PDE4B: variants seen among roughly 807,000 people sequenced by gnomAD.
PDE4B encodes phosphodiesterase 4B, also known as 3',5'-cyclic-AMP phosphodiesterase 4B.
In PDE4B, 20 loss-of-function variants were observed where a neutral mutation model predicts 82.2. That is an observed-to-expected ratio of 0.24 (90% confidence interval 0.17 to 0.35). The LOEUF (loss-of-function observed/expected upper bound fraction) is 0.35. Among genes scored for constraint, PDE4B ranks in the 10% least tolerant of loss-of-function variants. The pLI is 1.00. For missense variants in PDE4B, 655 were observed against 907.2 expected (o/e 0.72, Z 3.57); for synonymous variants, 320 against 318.9 (o/e 1.00, Z -0.04).
intron 3 of PDE4B, among the ~76,000 whole-genome samples, chr1:66,153,569 T>C (rs1646445074): frequency 6.6e-6 from 1 of 152,336 alleles, no homozygotes; most frequent in East Asian, 1.9e-4. Context: ...GCAATCTTTA[T>C]TCTTTTTCTG....
intron 3 of PDE4B, among the ~76,000 whole-genome samples, chr1:66,069,312 A>T (rs573322154): frequency 1.3e-5 from 2 of 152,108 alleles, no homozygotes; most frequent in East Asian, 1.9e-4. Context: ...ATTTTATGCC[A>T]CTCATAAAGC....
chr1:66,145,626 T>A (rs1188647702), intron 3 of PDE4B, among the ~76,000 whole-genome samples: 1 of 152,158 alleles, frequency 6.6e-6, no homozygotes, highest in African/African-American at 2.4e-5. Context: ...TCAGGGAACT[T>A]TGGAGGTCAA....
At chr1:65,992,858 G>T (rs1404441895) in intron 3 of PDE4B, 1 of 1,595,322 alleles carries the variant, frequency 6.3e-7, no homozygotes, top group Non-Finnish European at 8.5e-7. Context: ...TCTCTGCTAT[G>T]TTTGAGATTT....
chr1:66,118,889 CT>C (rs1481661822), intron 3 of PDE4B, among the ~76,000 whole-genome samples: 1 of 151,778 alleles, frequency 6.6e-6, no homozygotes, highest in Non-Finnish European at 1.5e-5. Context: ...ATTCCTAAAC[CT>C]TTTTTTTCAA....
chr1:66,161,801 T>C (rs1447320735), intron 3 of PDE4B, among the ~76,000 whole-genome samples: 2 of 152,084 alleles, frequency 1.3e-5, no homozygotes, highest in African/African-American at 4.8e-5. Flanking sequence ...ACTTACCCCA[T>C]TGATACTCTA....
intron 3 of PDE4B, among the ~76,000 whole-genome samples, chr1:66,081,830 CTCTGTG>C (rs1218149750): frequency 2.7e-5 from 3 of 112,714 alleles, no homozygotes; most frequent in East Asian, 3.5e-4. Context: ...CTCTCTCTCT[CTCTGTG>C]TGTGTGTGTG....
intron 8 of PDE4B, among the ~76,000 whole-genome samples, chr1:66,351,273 G>C (rs972710589): frequency 6.6e-6 from 1 of 152,228 alleles, no homozygotes; most frequent in African/African-American, 2.4e-5. Context: ...AGGGAAAATA[G>C]TATCTGTGTA....
intron 4 of PDE4B, among the ~76,000 whole-genome samples, chr1:66,251,283 G>A (rs1434007481): frequency 6.6e-6 from 1 of 152,126 alleles, no homozygotes; most frequent in Non-Finnish European, 1.5e-5. Context: ...TTAATGATGA[G>A]GATATTAGGG....
chr1:65,957,205 A>G (rs1649305348), intron 3 of PDE4B, among the ~76,000 whole-genome samples: 1 of 151,308 alleles, frequency 6.6e-6, no homozygotes, highest in South Asian at 2.1e-4. Flanking sequence ...ATTTTGATGT[A>G]GTTGAATTTC....
At chr1:66,338,016 C>T (rs1660660488) in intron 8 of PDE4B, among the ~76,000 whole-genome samples, 1 of 152,130 alleles carries the variant, frequency 6.6e-6, no homozygotes, top group Non-Finnish European at 1.5e-5. Context: ...TGGAAAAGAC[C>T]CAGCTCTTCA....
At chr1:65,901,018 C>A (rs1345125004) in intron 1 of PDE4B, among the ~76,000 whole-genome samples, 1 of 152,004 alleles carries the variant, frequency 6.6e-6, no homozygotes, top group Non-Finnish European at 1.5e-5. Flanking sequence ...GAGTGGGAAT[C>A]CTTGTCTTGC....
intron 3 of PDE4B, among the ~76,000 whole-genome samples, chr1:66,171,806 A>C (rs150906477): frequency 6.6e-6 from 1 of 152,194 alleles, no homozygotes; most frequent in Non-Finnish European, 1.5e-5. Flanking sequence ...CATATGAAGC[A>C]CTCAATAAAA....
intron 7 of PDE4B, among the ~76,000 whole-genome samples, chr1:66,274,528 A>T (rs1218944935): frequency 2.0e-5 from 3 of 152,092 alleles, no homozygotes; most frequent in Non-Finnish European, 4.4e-5. Context: ...GCTAAATGAG[A>T]AAAGCTTTAT....
At chr1:65,986,952 A>C (rs183977991) in intron 3 of PDE4B, among the ~76,000 whole-genome samples, 3 of 152,324 alleles carry the variant, frequency 2.0e-5, no homozygotes, top group Admixed American at 1.3e-4. Context: ...ATGCAGATAT[A>C]CTGGGAAAAA....
At chr1:66,024,721 A>G (rs1451541857) in intron 3 of PDE4B, among the ~76,000 whole-genome samples, 1 of 152,090 alleles carries the variant, frequency 6.6e-6, no homozygotes, top group Non-Finnish European at 1.5e-5. Flanking sequence ...AGATGGATAG[A>G]TGAATCTTTT....
intron 3 of PDE4B, among the ~76,000 whole-genome samples, chr1:66,210,798 G>A (rs1649985346): frequency 6.6e-6 from 1 of 152,010 alleles, no homozygotes; most frequent in African/African-American, 2.4e-5. Flanking sequence ...TCAATCTGTT[G>A]CAGACACTGC....
Position 66,110,057 on chromosome 1 carries a change from C to T in PDE4B, c.282-137403C>T, listed in dbSNP as rs147288469. The stretch of plus-strand genomic sequence containing the variant: ...AAAATGCTAGCCTTAATATAAATTT[C>T]CAACACTGCAGTGGAGTCAGGGTAC... On this transcript the variant is annotated intron_variant, in intron 3 of 16. Transcript: ENST00000341517. Among the ~76,000 whole-genome samples the T allele has an allele frequency of 1.4e-4, 22 of 152,004 alleles. 1 individual carries two copies. The highest frequency in any genetic ancestry group is 1.4e-3 in the Admixed American group (22 of 15,208).
intron 3 of PDE4B, among the ~76,000 whole-genome samples, chr1:66,182,304 C>A (rs906958533): frequency 6.6e-6 from 1 of 152,004 alleles, no homozygotes; most frequent in African/African-American, 2.4e-5. Context: ...CGTCAGAATT[C>A]ATCATTTGGC....
At chr1:66,029,298 A>T (rs7525943) in intron 3 of PDE4B, among the ~76,000 whole-genome samples, 1 of 152,042 alleles carries the variant, frequency 6.6e-6, no homozygotes, top group African/African-American at 2.4e-5. Flanking sequence ...CTGTGATTCA[A>T]TTACCTCTCC....
Sources: allele counts gnomAD v4.1 joint callset (sites outside exome capture counted in the v4.1 genomes callset), GRCh38; gene constraint gnomAD v4.1.1; transcripts MANE v1.5; gene names NCBI Gene and HGNC (gene_info 2026-07-23, HGNC 2026-07-21).